Variants in FLNB observed in about 807,000 individuals in gnomAD.
FLNB encodes filamin B, also known as filamin-B.
FLNB carries 111 observed loss-of-function variants against 250.6 expected under a neutral mutation model. The observed-to-expected ratio is 0.44, with a 90% CI of 0.38 to 0.52. FLNB has a LOEUF of 0.52. FLNB is among the 20% of genes least tolerant of loss of function. The pLI is 0.00. For synonymous variants in FLNB, 1,302 were observed against 1,372.1 expected (o/e 0.95, Z 1.13); for missense variants, 2,869 against 3,447.8 (o/e 0.83, Z 4.20).
In FLNB at chr3:58,136,054, G is replaced by A. The variant is rs2097315277; in HGVS notation, c.4747G>A (p.Asp1583Asn). The change falls in exon 28 of 46, where the codon GAC becomes AAC. Residue 1583 changes from aspartate to asparagine, a missense_variant. Physicochemically the swap from Asp to Asn is conservative, Grantham distance 23. Around this residue, in one of 5 missense-constraint regions of FLNB, gnomAD observed 126 missense variants for 182.0 expected, o/e 0.69. Transcript: ENST00000295956. ...DGTYAVTYIPDKTGRYMIGVT... is the reference protein window; with the variant it reads ...DGTYAVTYIPNKTGRYMIGVT... ...CACGTATGCTGTCACCTACATCCCC[G>A]ACAAGACTGGGCGCTATATGATTGG... The A allele has an allele frequency of 9.3e-6, 15 of 1,614,124 alleles. No individual in the cohort carries two copies. Among genetic ancestry groups the A allele is most frequent in the Middle Eastern group, 1.6e-4 (1 of 6,062 alleles).
Position 58,126,772 on chromosome 3 carries a change from TC to T in FLNB, c.4222+12del. The T allele has an allele frequency of 6.2e-7, 1 of 1,612,552 alleles. No homozygotes were observed. Reference sequence around the variant, plus strand: ...GGAGCCCACATCCCCGGTGAGCTATTCCTCAGAGAGGACCCCAGAGAATAAT... The same window carrying T: ...GGAGCCCACATCCCCGGTGAGCTATTCTCAGAGAGGACCCCAGAGAATAAT... On this transcript the variant is annotated intron_variant, in intron 24 of 45. Coordinates refer to ENST00000295956, the MANE Select transcript of FLNB (RefSeq NM_001457.4).
chr3:58,094,174 G>A (rs1400578904), intron 4 of FLNB, among the ~76,000 whole-genome samples: 3 of 152,216 alleles, frequency 2.0e-5, no homozygotes, highest in Non-Finnish European at 4.4e-5. Flanking sequence ...CCACCTCCCT[G>A]GTTCAAGCAA....
Position 58,169,677 on chromosome 3 carries a change from A to G in FLNB, c.7505A>G (p.Tyr2502Cys), listed in dbSNP as rs1207614757. 3 of 1,614,034 alleles carry G rather than the reference A, an allele frequency of 1.9e-6. No homozygotes were observed. Among genetic ancestry groups the G allele is most frequent in the Non-Finnish European group, 1.7e-6 (2 of 1,179,946 alleles). ...ACCAGGTCGTCTACAGAGACCTGCT[A>G]TAGCGCCATTCCCAAGGCATCCTCG... Reference protein sequence around the residue: ...SVTRSSTETCYSAIPKASSDA... With the variant: ...SVTRSSTETCCSAIPKASSDA... Residue 2502 changes from tyrosine to cysteine, a missense_variant, in exon 45 of 46, where the codon TAT (tyrosine) becomes TGT (cysteine). Transcript: ENST00000295956. The surrounding 1 kb of genome is among the most constrained non-coding windows in gnomAD (Gnocchi z 4.8).
chr3:58,101,083 A>C (rs1401185657), intron 8 of FLNB, among the ~76,000 whole-genome samples: 1 of 152,166 alleles, frequency 6.6e-6, no homozygotes, highest in African/African-American at 2.4e-5. Flanking sequence ...CACTTGCCAT[A>C]AAGTGCCACC....
At chr3:58,069,905 A>G (rs2097191531) in intron 1 of FLNB, among the ~76,000 whole-genome samples, 1 of 152,066 alleles carries the variant, frequency 6.6e-6, no homozygotes, top group African/African-American at 2.4e-5. Context: ...CACTTGGAGT[A>G]TGGCTTGTGG....
chr3:58,034,386 GTT>G (rs1250923979), intron 1 of FLNB, among the ~76,000 whole-genome samples: 5 of 150,428 alleles, frequency 3.3e-5, no homozygotes, highest in African/African-American at 1.2e-4. Context: ...AAAAGGTTCT[GTT>G]TTTTAAAGAC....
intron 1 of FLNB, among the ~76,000 whole-genome samples, chr3:58,046,475 G>A (rs572192520): frequency 1.4e-5 from 2 of 146,246 alleles, no homozygotes; most frequent in East Asian, 2.0e-4. Flanking sequence ...TTTTGGAGAC[G>A]GAGTCTTACT....
rs577012986 is a variant in FLNB, at chr3:58,132,876, C to G, written c.4459C>G (p.Gln1487Glu). ...GTHTVTYTPS[Q>E]EGPYMVSVKY... ...ACACACAGTAACCTACACCCCATCT[C>G]AGGAGGGACCTTACATGGTCTCAGT... is the stretch of plus-strand genomic sequence containing the variant. The change falls in exon 26 of 46, where the codon CAG (glutamine) becomes GAG (glutamate). Residue 1487 changes from glutamine to glutamate, a missense_variant. By Grantham distance (29) the Gln-to-Glu change is conservative. Coordinates refer to ENST00000295956, the MANE Select transcript of FLNB (RefSeq NM_001457.4). The G allele has an allele frequency of 6.2e-7, 1 of 1,614,152 alleles. No individual in the cohort carries two copies. The highest frequency in any genetic ancestry group is 1.3e-5 in the African/African-American group (1 of 75,044).
chr3:58,161,571 A>C (rs960223287), intron 42 of FLNB, among the ~76,000 whole-genome samples: 8 of 152,204 alleles, frequency 5.3e-5, no homozygotes, highest in Admixed American at 5.2e-4. Flanking sequence ...TGACACAGTT[A>C]CTATTGATTG....
At chr3:58,108,136 T>A (rs2097262785) in intron 12 of FLNB, among the ~76,000 whole-genome samples, 1 of 151,812 alleles carries the variant, frequency 6.6e-6, no homozygotes, top group Non-Finnish European at 1.5e-5. Context: ...AAAAAAAAAA[T>A]TGCAAAAAAT....
chr3:58,106,714 T>A lies in FLNB; in HGVS notation c.1782T>A (p.Ile594=). 6.2e-7 allele frequency: 1 copy of A among 1,614,176 alleles called. No individual in the cohort carries two copies. The highest frequency in any genetic ancestry group is 1.1e-5 in the South Asian group (1 of 91,076). The change falls in exon 12 of 46, where the codon ATT becomes ATA. Residue 594 remains isoleucine (I), a synonymous_variant. Transcript: ENST00000295956. ...FAIEGPSQAK[I]EYNDQNDGSC... ...TTGAAGGCCCCTCTCAGGCAAAGATTGAGTACAACGACCAGAATGATGGAT... is the reference window on the plus strand; with the variant it reads ...TTGAAGGCCCCTCTCAGGCAAAGATAGAGTACAACGACCAGAATGATGGAT...
chr3:58,060,350 CTCTTT>C (rs1559664704), intron 1 of FLNB, among the ~76,000 whole-genome samples: 1 of 124,126 alleles, frequency 8.1e-6, no homozygotes, highest in Non-Finnish European at 1.7e-5. Context: ...GACCCTGTCT[CTCTTT>C]TTTTTTTTTT....
intron 4 of FLNB, among the ~76,000 whole-genome samples, chr3:58,086,473 G>A (rs2106994081): frequency 6.6e-6 from 1 of 152,098 alleles, no homozygotes; most frequent in Admixed American, 6.5e-5. Context: ...TTTTTTCTAT[G>A]CTGAGTTAAA....
chr3:58,048,605 C>T (rs7628019), intron 1 of FLNB, among the ~76,000 whole-genome samples: 2,111 of 152,200 alleles, frequency 0.014, 44 homozygotes, highest in African/African-American at 0.047. Flanking sequence ...AAGTGGTGTC[C>T]GCCTGCTCTC....
chr3:58,163,319 G>A lies in FLNB; in HGVS notation c.7187G>A (p.Gly2396Glu), dbSNP rs142514904. Residue 2396 changes from glycine to glutamate, a missense_variant, in exon 43 of 46, where the codon GGG becomes GAG. Physicochemically the swap from Gly to Glu is moderately conservative, Grantham distance 98 (BLOSUM62 -2). This residue lies in a region of FLNB where 1,084 missense variants were observed against 1,315.5 expected (regional missense o/e 0.82). Coordinates refer to ENST00000295956, the MANE Select transcript of FLNB (RefSeq NM_001457.4). Reference protein sequence around the residue: ...LVSAYGTGLEGGTTGIQSEFF... With the variant: ...LVSAYGTGLEEGTTGIQSEFF... ...TCCGCCTATGGCACGGGACTCGAAG[G>A]GGGCACCACAGGTAACCCACTCTTC... 7 of 1,614,186 alleles carry A rather than the reference G, an allele frequency of 4.3e-6. No homozygotes were observed. The highest frequency in any genetic ancestry group is 1.7e-4 in the Middle Eastern group (1 of 6,046).
chr3:58,154,728 G>T (rs961757369), intron 39 of FLNB, 63 bp from the exon 40 acceptor site: 2 of 1,581,896 alleles, frequency 1.3e-6, no homozygotes, highest in East Asian at 4.5e-5. Flanking sequence ...TTTGAACAAG[G>T]ATGGAAGAGG....
Position 58,124,437 on chromosome 3 carries a change from C to A in FLNB, c.3830C>A (p.Ser1277Tyr), listed in dbSNP as rs375854804. ...CACATTGCCAACCCCTCAGGGGCCT[C>A]CACCGAGTGCTTTGTCACAGACAAT... is the stretch of plus-strand genomic sequence containing the variant. ...KAHIANPSGA[S>Y]TECFVTDNAD... The change falls in exon 22 of 46, where the codon TCC becomes TAC. Residue 1277 changes from serine to tyrosine, a missense_variant. By Grantham distance (144) the Ser-to-Tyr change is moderately radical. Transcript: ENST00000295956. 7 of 1,614,102 alleles carry A rather than the reference C, an allele frequency of 4.3e-6. No homozygotes were observed. The highest frequency in any genetic ancestry group is 5.1e-6 in the Non-Finnish European group (6 of 1,180,038).
At chr3:58,136,213 C>G (rs779492004) in intron 28 of FLNB, 45 bp downstream of exon 28, 6 of 1,596,332 alleles carry the variant, frequency 3.8e-6, no homozygotes, top group South Asian at 2.2e-5. Context: ...GCTTTGCAAT[C>G]AGAAAGCCGG....
chr3:58,073,861 C>CTAACCTCAGG, intron 1 of FLNB, among the ~76,000 whole-genome samples: 1 of 152,330 alleles, frequency 6.6e-6, no homozygotes, highest in Non-Finnish European at 1.5e-5. Context: ...TGCTTGGAGG[C>CTAACCTCAGG]TAACCTCAGG....
Sources: allele counts gnomAD v4.1 joint callset (sites outside exome capture counted in the v4.1 genomes callset), GRCh38; gene constraint gnomAD v4.1.1; regional missense constraint gnomAD v4.1.1; non-coding constraint Gnocchi (gnomAD v3.1); transcripts MANE v1.5; gene names NCBI Gene and HGNC (gene_info 2026-07-23, HGNC 2026-07-21).